The following PIP4K2A variants were observed in gnomAD, a reference collection of about 807,000 sequenced individuals.
PIP4K2A encodes phosphatidylinositol 5-phosphate 4-kinase type-2 alpha.
A neutral mutation model predicts 42.9 loss-of-function variants in PIP4K2A; 14 were observed. That is an observed-to-expected ratio of 0.33 (90% CI 0.22 to 0.51). PIP4K2A has a LOEUF of 0.51. Among genes scored for constraint, PIP4K2A ranks in the 20% least tolerant of loss-of-function variants. The pLI is 0.97. For missense variants in PIP4K2A, 434 were observed against 519.8 expected, an observed-to-expected ratio of 0.83 and a Z score of 1.61; for synonymous variants, 192 against 192.2, an observed-to-expected ratio of 1.00 and a Z score of 0.01.
chr10:22,565,843 C>CA (rs911441979), intron 6 of PIP4K2A, among the ~76,000 whole-genome samples: 1 of 151,526 alleles, frequency 6.6e-6, no homozygotes, highest in African/African-American at 2.4e-5. Context: ...AAACAGCCCC[C>CA]CCAGGTGTGC....
chr10:22,635,271 G>A (rs560036499), intron 1 of PIP4K2A, among the ~76,000 whole-genome samples: 4 of 152,300 alleles, frequency 2.6e-5, no homozygotes, highest in African/African-American at 9.6e-5. Context: ...GTTATGGCAG[G>A]TTCATCGAAT....
In PIP4K2A at chr10:22,622,671, C is replaced by T. The variant is rs1557228; in HGVS notation, c.145-12954G>A. Among the ~76,000 whole-genome samples, 219 of 152,338 alleles carry T rather than the reference C, an allele frequency of 1.4e-3. 5 individuals are homozygous for T. In the East Asian group the frequency reaches 0.035, roughly 24 times the overall value. ...GACGGGCACCGCCACTCCACATACC[C>T]GGGACAAGTCGTCTGTCTTCCAGCA... On this transcript the variant is annotated intron_variant, in intron 1 of 9. Coordinates refer to ENST00000376573, the MANE Select transcript of PIP4K2A (RefSeq NM_005028.5).
At chr10:22,601,130 CAAAAAAAAAAAAAAAAA>C (rs1188396077) in intron 3 of PIP4K2A, among the ~76,000 whole-genome samples, 10 of 31,898 alleles carry the variant, frequency 3.1e-4, no homozygotes, top group African/African-American at 6.4e-4. Context: ...GAGACTGTCT[CAAAAAAAAAAAAAAAAA>C]AAAAAAAAAA....
chr10:22,548,857 G>C (rs879117646), intron 7 of PIP4K2A, among the ~76,000 whole-genome samples: 1 of 150,064 alleles, frequency 6.7e-6, no homozygotes, highest in African/African-American at 2.5e-5. Context: ...ACCAGCCTGC[G>C]CAACAAAGCA....
chr10:22,569,465 C>T lies in PIP4K2A; in HGVS notation c.640-1576G>A, dbSNP rs112789175. On this transcript the variant is annotated intron_variant, in intron 5 of 9. Coordinates refer to ENST00000376573, the MANE Select transcript of PIP4K2A (RefSeq NM_005028.5). The stretch of plus-strand genomic sequence containing the variant: ...ACTGTTACTTGCCATGGTCTACTTT[C>T]CTTCCTTTAGGGATTCCTGAATATG... Among the ~76,000 whole-genome samples, 783 of 152,356 alleles carry T rather than the reference C, an allele frequency of 5.1e-3. 7 individuals carry two copies. Among genetic ancestry groups the T allele is most frequent in the Non-Finnish European group, 8.5e-3 (580 of 68,030 alleles).
intron 1 of PIP4K2A, among the ~76,000 whole-genome samples, chr10:22,686,014 A>C (rs1220013121): frequency 6.6e-6 from 1 of 152,184 alleles, no homozygotes; most frequent in Non-Finnish European, 1.5e-5. Flanking sequence ...TATTCGCCTT[A>C]AGTGAGGCAG....
intron 7 of PIP4K2A, among the ~76,000 whole-genome samples, chr10:22,542,297 G>T (rs552331281): frequency 7.4e-4 from 33 of 44,552 alleles, no homozygotes; most frequent in African/African-American, 3.5e-3. Context: ...GGAGAGGTGT[G>T]TATCTATCAC....
rs1017067599 is a variant in PIP4K2A at position 22,607,809 on chromosome 10, A to T, written c.339+118T>A. On this transcript the variant is annotated intron_variant, in intron 3 of 9. Transcript: ENST00000376573. The stretch of plus-strand genomic sequence containing the variant: ...GAACATTAAAAACTTCTTACACAAA[A>T]TGAAAATTACTATTATATAATACTT... 1.8e-5 allele frequency: 11 copies of T among 598,286 alleles called. No individual in the cohort carries two copies. The African/African-American group carries it at 1.9e-4, about 10-fold the overall frequency. The allele number at this position is 598,286 out of a possible 1,614,324, so 37.1% of individuals were successfully genotyped here.
intron 3 of PIP4K2A, among the ~76,000 whole-genome samples, chr10:22,604,510 A>T (rs1837864778): frequency 6.6e-6 from 1 of 152,090 alleles, no homozygotes; most frequent in Non-Finnish European, 1.5e-5. Flanking sequence ...AAATGCAAGC[A>T]GTTTGGAAAA....
intron 1 of PIP4K2A, among the ~76,000 whole-genome samples, chr10:22,612,543 G>A (rs1357811461): frequency 6.6e-6 from 1 of 152,218 alleles, no homozygotes; most frequent in Non-Finnish European, 1.5e-5. Flanking sequence ...GGAGCACCGG[G>A]AAGCGGCTGC....
At chr10:22,683,709 C>G (rs1471330381) in intron 1 of PIP4K2A, among the ~76,000 whole-genome samples, 1 of 152,094 alleles carries the variant, frequency 6.6e-6, no homozygotes, top group Non-Finnish European at 1.5e-5. Context: ...TTTTTAATCA[C>G]AGCTTCATCT....
rs993311089 is a variant in PIP4K2A at position 22,567,658 on chromosome 10, C to A, written c.678+193G>T. On this transcript the variant is annotated intron_variant, in intron 6 of 9. Coordinates refer to ENST00000376573, the MANE Select transcript of PIP4K2A (RefSeq NM_005028.5). ...TGCAACAAATAACTGTTTCACTATT[C>A]AACAATTTGATGAAGAGAAATGAAG... 4 of 744,604 alleles carry A rather than the reference C, an allele frequency of 5.4e-6. No homozygotes were observed. In the African/African-American group the frequency reaches 6.8e-5, roughly 13 times the overall value. 46.1% of individuals were successfully genotyped at this position (744,604 alleles called of 1,614,324 possible).
chr10:22,663,033 T>G (rs544325190), intron 1 of PIP4K2A, among the ~76,000 whole-genome samples: 1 of 152,336 alleles, frequency 6.6e-6, no homozygotes, highest in Admixed American at 6.5e-5. Flanking sequence ...GCACATTCTT[T>G]TGGGCTCTGC....
rs369922759 is a variant in PIP4K2A, at chr10:22,656,132, C to A, written c.145-46415G>T. On this transcript the variant is annotated intron_variant, in intron 1 of 9. Transcript: ENST00000376573. ...CATTTAATGAAATAATATAGAATTA[C>A]TCCTAAGTGTTTCATCTCATGTTAT... is the stretch of plus-strand genomic sequence containing the variant. 3.2e-4 allele frequency among the ~76,000 whole-genome samples: 48 copies of A among 152,324 alleles called. No homozygotes were observed. The East Asian group carries it at 7.5e-3, about 24-fold the overall frequency.
At chr10:22,653,730 A>G (rs1313205725) in intron 1 of PIP4K2A, among the ~76,000 whole-genome samples, 2 of 152,140 alleles carry the variant, frequency 1.3e-5, no homozygotes, top group East Asian at 1.9e-4. Flanking sequence ...CCTGGCCGGC[A>G]TGGCGAAATC....
intron 1 of PIP4K2A, among the ~76,000 whole-genome samples, chr10:22,618,604 G>C (rs1242039452): frequency 2.0e-5 from 3 of 152,092 alleles, no homozygotes; most frequent in Non-Finnish European, 4.4e-5. Context: ...ACCTAAAAAA[G>C]GCCATCACAT....
intron 9 of PIP4K2A, 151 bp from the exon 10 acceptor site, chr10:22,537,432 A>C: frequency 1.6e-6 from 1 of 641,972 alleles, no homozygotes. Flanking sequence ...AACATCACTC[A>C]AAATATCTTG....
intron 6 of PIP4K2A, chr10:22,567,399 G>C (rs1284800579): frequency 8.9e-6 from 3 of 338,850 alleles, no homozygotes; most frequent in Non-Finnish European, 1.7e-5. Flanking sequence ...AAAGGAGTTT[G>C]AGGCTCATCC....
intron 1 of PIP4K2A, among the ~76,000 whole-genome samples, chr10:22,622,533 A>G (rs76115312): frequency 0.065 from 9,923 of 152,160 alleles, 1,064 homozygotes; most frequent in African/African-American, 0.22. Flanking sequence ...GGCCTGGGTC[A>G]CTCCCCGAGG....
Sources: allele counts gnomAD v4.1 joint callset (sites outside exome capture counted in the v4.1 genomes callset), GRCh38; gene constraint gnomAD v4.1.1; transcripts MANE v1.5; gene names NCBI Gene and HGNC (gene_info 2026-07-23, HGNC 2026-07-21).